Variants in NUP205 observed in about 807,000 individuals in gnomAD.
NUP205 encodes the protein nuclear pore complex protein Nup205.
NUP205 carries 76 observed loss-of-function variants against 253.8 expected under a neutral mutation model. The ratio of observed to expected loss-of-function variants is 0.30; its 90% CI spans 0.25 to 0.36. The LOEUF (loss-of-function observed/expected upper bound fraction) is 0.36, where lower values mean the gene tolerates loss of function less well. Among genes scored for constraint, NUP205 ranks in the 10% least tolerant of loss-of-function variants. The pLI, the probability that NUP205 is intolerant of heterozygous loss-of-function variation, is 1.00. For synonymous variants in NUP205, 832 were observed against 850.1 expected (o/e 0.98, Z 0.37); for missense variants, 2,162 against 2,425.5 (o/e 0.89, Z 2.28).
rs752207070 is a variant in NUP205 at position 135,587,987 on chromosome 7, C to T, written c.1468C>T (p.Arg490Cys). ...GGTGGCTCATCAGCGGCCCCCTCAACGCCAGGTGAGTCTTTAGGTTTTCCT... is the reference window on the plus strand; with the variant it reads ...GGTGGCTCATCAGCGGCCCCCTCAATGCCAGGTGAGTCTTTAGGTTTTCCT... ...LGVAHQRPPQ[R>C]QVVLSKFVRQ... Residue 490 changes from arginine to cysteine, a missense_variant, in exon 10 of 43, where the codon CGC becomes TGC. This residue lies in a region of NUP205 where 892 missense variants were observed against 957.1 expected (regional missense o/e 0.93). Coordinates refer to ENST00000285968, the MANE Select transcript of NUP205 (RefSeq NM_015135.3). 4.3e-6 allele frequency: 7 copies of T among 1,611,240 alleles called. No homozygotes were observed. The highest frequency in any genetic ancestry group is 2.2e-5 in the East Asian group (1 of 44,882).
At position 135,598,151 on chromosome 7, in the gene NUP205, A is replaced by G. The variant is rs1793887987; in HGVS notation, c.2218A>G (p.Arg740Gly). The G allele has an allele frequency of 6.2e-7, 1 of 1,614,110 alleles. No individual in the cohort carries two copies. Among genetic ancestry groups the G allele is most frequent in the South Asian group, 1.1e-5 (1 of 91,082 alleles). The change falls in exon 15 of 43, where the codon AGA (arginine) becomes GGA (glycine). Residue 740 changes from arginine (R) to glycine (G), a missense_variant. Coordinates refer to ENST00000285968, the MANE Select transcript of NUP205 (RefSeq NM_015135.3). The part of the protein sequence containing the change: ...PGFDPYLQFL[R>G]DSVFLRFRTR... ...CTTTGACCCTTATTTGCAGTTCCTT[A>G]GAGACTCTGTGTTTCTACGATTCCG... is the stretch of plus-strand genomic sequence containing the variant.
Position 135,617,115 on chromosome 7 carries a change from T to C in NUP205, c.3558T>C (p.Leu1186=), listed in dbSNP as rs117671412. 556 of 1,612,290 alleles carry C rather than the reference T, an allele frequency of 3.4e-4. 3 individuals carry two copies. In the East Asian group the frequency reaches 0.012, roughly 35 times the overall value. The change falls in exon 26 of 43, where the codon CTT becomes CTC. Residue 1186 remains leucine (L), a synonymous_variant. Transcript: ENST00000285968. ...TACGTCGAAAAATTCTAAATATTCT[T>C]GACTCGATTGACTTCAGTCAGGAGA... The part of the protein sequence containing the change: ...TKVRRKILNI[L]DSIDFSQEIP...
chr7:135,578,739 T>C lies in NUP205; in HGVS notation c.878-12T>C. The C allele has an allele frequency of 6.3e-7, 1 of 1,577,900 alleles. No individual in the cohort carries two copies. Among genetic ancestry groups the C allele is most frequent in the Non-Finnish European group, 8.6e-7 (1 of 1,160,850 alleles). ...TGGTGATCGGTAAAGTGGTCTATTTTTGTGTTTTCAGATATGATTCATCAA... is the reference window on the plus strand; with the variant it reads ...TGGTGATCGGTAAAGTGGTCTATTTCTGTGTTTTCAGATATGATTCATCAA... On this transcript the variant is annotated splice_polypyrimidine_tract_variant and intron_variant, in intron 6 of 42. Coordinates refer to ENST00000285968, the MANE Select transcript of NUP205 (RefSeq NM_015135.3).
At chr7:135,574,821 T>A (rs1806107235) in intron 3 of NUP205, among the ~76,000 whole-genome samples, 1 of 152,228 alleles carries the variant, frequency 6.6e-6, no homozygotes, top group Non-Finnish European at 1.5e-5. Context: ...CAGTTTGTTT[T>A]AATTATAATG....
intron 3 of NUP205, among the ~76,000 whole-genome samples, chr7:135,574,621 C>G (rs1806098549): frequency 6.6e-6 from 1 of 152,044 alleles, no homozygotes; most frequent in Non-Finnish European, 1.5e-5. Context: ...AAGGAAGATG[C>G]AGATACAGCA....
At chr7:135,591,253 G>T (rs182417054) in intron 10 of NUP205, among the ~76,000 whole-genome samples, 197 bp from the exon 11 acceptor site, 5,082 of 152,176 alleles carry the variant, frequency 0.033, 113 homozygotes, top group Middle Eastern at 0.1. Flanking sequence ...TTTCATAAAG[G>T]TATTTTATAA....
At chr7:135,587,415 A>G (rs1180673884) in intron 8 of NUP205, among the ~76,000 whole-genome samples, 160 bp from the exon 9 acceptor site, 1 of 152,244 alleles carries the variant, frequency 6.6e-6, no homozygotes, top group African/African-American at 2.4e-5. Flanking sequence ...AATATTGCAA[A>G]TAAGATTCCT....
In NUP205 at chr7:135,593,184, A is replaced by G. The variant is rs1447769866; in HGVS notation, c.1822A>G (p.Ile608Val). The change falls in exon 12 of 43, where the codon ATT (isoleucine) becomes GTT (valine). Residue 608 changes from isoleucine to valine, a missense_variant. Coordinates refer to ENST00000285968, the MANE Select transcript of NUP205 (RefSeq NM_015135.3). The part of the protein sequence containing the change: ...IAFLQLTSTI[I>V]TWSENARLAL... ...TTTTTTGCAGCTCACGTCTACCATCATTACTTGGGTAGGTAACTCATCCCC... is the reference window on the plus strand; with the variant it reads ...TTTTTTGCAGCTCACGTCTACCATCGTTACTTGGGTAGGTAACTCATCCCC... 5 of 1,613,874 alleles carry G rather than the reference A, an allele frequency of 3.1e-6. No homozygotes were observed. In the South Asian group the frequency reaches 5.5e-5, roughly 18 times the overall value.
intron 22 of NUP205, among the ~76,000 whole-genome samples, chr7:135,609,444 C>G (rs1563127220): frequency 6.6e-6 from 1 of 150,806 alleles, no homozygotes; most frequent in Admixed American, 6.6e-5. Flanking sequence ...CGCCACTGCA[C>G]TCCAGCCTAG....
At chr7:135,630,715 A>G (rs1251685734) in intron 35 of NUP205, among the ~76,000 whole-genome samples, 1 of 152,048 alleles carries the variant, frequency 6.6e-6, no homozygotes, top group African/African-American at 2.4e-5. Context: ...CTTGAGGCCA[A>G]GGGTTCAAGA....
intron 1 of NUP205, among the ~76,000 whole-genome samples, chr7:135,558,683 G>A (rs1382215059): frequency 1.3e-5 from 2 of 152,184 alleles, no homozygotes; most frequent in African/African-American, 4.8e-5. Context: ...CATTTTGATT[G>A]TCATATTTCC....
At chr7:135,573,627 A>G (rs753323685) in intron 2 of NUP205, 27 bp from the exon 3 acceptor site, 12 of 1,595,004 alleles carry the variant, frequency 7.5e-6, no homozygotes, top group East Asian at 6.7e-5. Context: ...TGCTATTTTC[A>G]TAACAATTAC....
rs7808940 is a variant in NUP205 at position 135,564,851 on chromosome 7, T to G, written c.29-6254T>G. On this transcript the variant is annotated intron_variant, in intron 1 of 42. Coordinates refer to ENST00000285968, the MANE Select transcript of NUP205 (RefSeq NM_015135.3). ...GGTGCGCTCTTGGCTCACTGCAACCTCTGCCTCCAGGTTCAAGCGATTCTC... is the reference window on the plus strand; with the variant it reads ...GGTGCGCTCTTGGCTCACTGCAACCGCTGCCTCCAGGTTCAAGCGATTCTC... 6.0e-3 allele frequency among the ~76,000 whole-genome samples: 913 copies of G among 151,602 alleles called. 23 individuals are homozygous for G. Among genetic ancestry groups the G allele is most frequent in the African/African-American group, 0.021 (847 of 41,118 alleles).
In NUP205 at chr7:135,638,042, G is replaced by A; in HGVS notation, c.5248G>A (p.Glu1750Lys). Residue 1750 changes from glutamate to lysine, a missense_variant, in exon 37 of 43, where the codon GAA becomes AAA. By Grantham distance (56) the Glu-to-Lys change is moderately conservative. Around this residue, in one of 5 missense-constraint regions of NUP205, gnomAD observed 1,144 missense variants for 1,280.9 expected, o/e 0.89. Transcript: ENST00000285968. ...GDKVSKKDEI[E>K]LAMQQICANV... The stretch of plus-strand genomic sequence containing the variant: ...TAAAGTAAGCAAGAAAGATGAGATT[G>A]AACTGGCTATGCAGCAGGTAAGAAC... 6.2e-7 allele frequency: 1 copy of A among 1,613,872 alleles called. No individual in the cohort carries two copies.
intron 22 of NUP205, 35 bp downstream of exon 22, chr7:135,607,406 G>C: frequency 6.2e-7 from 1 of 1,604,678 alleles, no homozygotes; most frequent in African/African-American, 1.3e-5. Flanking sequence ...GTACTGAATA[G>C]AAGAAACTTG....
In NUP205 at chr7:135,578,794, T is replaced by G; in HGVS notation, c.921T>G (p.Ile307Met). The G allele has an allele frequency of 1.2e-6, 2 of 1,609,922 alleles. No individual in the cohort carries two copies. Among genetic ancestry groups the G allele is most frequent in the Non-Finnish European group, 1.7e-6 (2 of 1,178,562 alleles). Residue 307 changes from isoleucine to methionine, a missense_variant, in exon 7 of 43, where the codon ATT (isoleucine) becomes ATG (methionine). Around this residue, in one of 5 missense-constraint regions of NUP205, gnomAD observed 892 missense variants for 957.1 expected, o/e 0.93. Coordinates refer to ENST00000285968, the MANE Select transcript of NUP205 (RefSeq NM_015135.3). ...QLPLLTEKQY[I>M]ATIHSRLQDS... is the part of the protein sequence containing the mutation. ...CACTGTTGACAGAAAAACAGTACAT[T>G]GCAACAATTCACTCTCGTCTTCAGG...
At chr7:135,567,503 A>G (rs1406749453) in intron 1 of NUP205, among the ~76,000 whole-genome samples, 1 of 150,394 alleles carries the variant, frequency 6.6e-6, no homozygotes, top group African/African-American at 2.4e-5. Flanking sequence ...CCAGCTATTC[A>G]GGAGGCTGAG....
chr7:135,603,741 C>T (rs1251885727), intron 18 of NUP205, among the ~76,000 whole-genome samples: 1 of 151,650 alleles, frequency 6.6e-6, no homozygotes, highest in Non-Finnish European at 1.5e-5. Flanking sequence ...AACTCCTGAC[C>T]TCAAGCAGTC....
intron 30 of NUP205, among the ~76,000 whole-genome samples, chr7:135,620,810 G>A (rs757352066): frequency 3.3e-5 from 5 of 152,144 alleles, no homozygotes; most frequent in Non-Finnish European, 5.9e-5. Context: ...GTGAGGTTTT[G>A]TTTGGATAAA....
Sources: gnomAD v4.1 joint callset for allele counts (sites outside exome capture counted in the v4.1 genomes callset) on GRCh38, gnomAD v4.1.1 for gene constraint, gnomAD v4.1.1 regional missense constraint, MANE v1.5 for transcripts, NCBI Gene and HGNC (gene_info 2026-07-23, HGNC 2026-07-21) for gene names.